Variants in PHF14 observed in about 807,000 individuals in gnomAD.
The protein encoded by PHF14 is PHD finger protein 14.
In PHF14, 55 loss-of-function variants were observed where a neutral mutation model predicts 117.9. That is an observed-to-expected ratio of 0.47 (90% CI 0.38 to 0.58). The LOEUF is 0.58. Ranked by LOEUF, PHF14 falls within the 20% of genes least tolerant of loss-of-function variation. The pLI, the probability that PHF14 is intolerant of heterozygous loss-of-function variation, is 0.00. For synonymous variants in PHF14, 409 were observed against 368.6 expected (o/e 1.11, Z -1.26); for missense variants, 978 against 1,122.2 (o/e 0.87, Z 1.84).
chr7:11,133,132 A>T (rs976245490), intron 17 of PHF14, among the ~76,000 whole-genome samples: 3 of 151,946 alleles, frequency 2.0e-5, no homozygotes, highest in Non-Finnish European at 4.4e-5. Flanking sequence ...GTTCTTTTCA[A>T]CTTAAACTAT....
chr7:11,027,992 T>C (rs1305639707), intron 6 of PHF14, among the ~76,000 whole-genome samples: 3 of 152,178 alleles, frequency 2.0e-5, no homozygotes, highest in Admixed American at 6.5e-5. Flanking sequence ...AGTAGTTGTG[T>C]TTAATGATTA....
At chr7:11,107,244 T>G in intron 16 of PHF14, 1 of 981,172 alleles carries the variant, frequency 1.0e-6, no homozygotes, top group Non-Finnish European at 1.2e-6. Context: ...AATTGCTTGT[T>G]ATATGGATCA....
chr7:11,121,662 A>G (rs577418804), intron 17 of PHF14, among the ~76,000 whole-genome samples: 2 of 152,140 alleles, frequency 1.3e-5, no homozygotes, highest in African/African-American at 2.4e-5. Flanking sequence ...CAAGCCCTGC[A>G]GTACTGTGAT....
chr7:11,097,273 C>T (rs752971716), intron 16 of PHF14, among the ~76,000 whole-genome samples: 1 of 152,154 alleles, frequency 6.6e-6, no homozygotes. Flanking sequence ...GCCACCGTGC[C>T]CAGCCAGGAC....
chr7:11,107,531 G>A, intron 16 of PHF14: 1 of 885,384 alleles, frequency 1.1e-6, no homozygotes, highest in Non-Finnish European at 1.4e-6. Context: ...GTGTTAATGT[G>A]TACAGTGTTT....
chr7:11,027,402 C>T (rs117036540), intron 6 of PHF14, among the ~76,000 whole-genome samples: 1 of 152,124 alleles, frequency 6.6e-6, no homozygotes, highest in East Asian at 1.9e-4. Context: ...ACTTTGAATA[C>T]TTATATTAAA....
intron 16 of PHF14, chr7:11,071,411 C>G: frequency 2.8e-6 from 1 of 362,972 alleles, no homozygotes; most frequent in Non-Finnish European, 5.5e-6. Context: ...AGCCAGTTTT[C>G]CAGTTGCATT....
intron 16 of PHF14, among the ~76,000 whole-genome samples, chr7:11,084,983 A>G (rs1039121413): frequency 4.0e-5 from 6 of 151,736 alleles, no homozygotes; most frequent in Non-Finnish European, 8.8e-5. Context: ...ATTTTCTTTA[A>G]GGTTGTTGGG....
chr7:10,998,804 T>G (rs192675074), intron 4 of PHF14, among the ~76,000 whole-genome samples: 184 of 152,332 alleles, frequency 1.2e-3, no homozygotes, highest in Admixed American at 3.9e-3. Context: ...GATTCTCTTA[T>G]GATGCTGAGG....
At chr7:11,088,913 G>T (rs1786532161) in intron 16 of PHF14, among the ~76,000 whole-genome samples, 1 of 152,082 alleles carries the variant, frequency 6.6e-6, no homozygotes, top group South Asian at 2.1e-4. Flanking sequence ...CTACTAAATT[G>T]TTACATATAA....
intron 16 of PHF14, among the ~76,000 whole-genome samples, chr7:11,097,207 G>A (rs932528793): frequency 2.0e-5 from 3 of 152,030 alleles, no homozygotes; most frequent in African/African-American, 7.2e-5. Context: ...TCGAACTCCC[G>A]ATCTCAGGTG....
chr7:11,063,173 A>G, intron 16 of PHF14: 1 of 974,346 alleles, frequency 1.0e-6, no homozygotes, highest in Non-Finnish European at 1.2e-6. Context: ...GAAAAAGACA[A>G]AGTCCTTCAA....
chr7:11,152,151 A>G, intron 17 of PHF14, among the ~76,000 whole-genome samples: 1 of 129,036 alleles, frequency 7.7e-6, no homozygotes, highest in East Asian at 1.9e-4. Flanking sequence ...AGATAACTGA[A>G]TAATAATCTG....
At chr7:11,136,149 C>T (rs1358894135) in intron 17 of PHF14, among the ~76,000 whole-genome samples, 1 of 152,126 alleles carries the variant, frequency 6.6e-6, no homozygotes, top group Non-Finnish European at 1.5e-5. Flanking sequence ...CTTCATTTCT[C>T]ATCACATATT....
intron 4 of PHF14, among the ~76,000 whole-genome samples, chr7:11,001,085 C>T (rs541363249): frequency 8.5e-5 from 13 of 152,090 alleles, no homozygotes; most frequent in Non-Finnish European, 1.3e-4. Context: ...AGTATACGGT[C>T]TGTCTCGGAA....
At chr7:11,077,762 A>G (rs1489133803) in intron 16 of PHF14, among the ~76,000 whole-genome samples, 1 of 152,096 alleles carries the variant, frequency 6.6e-6, no homozygotes, top group African/African-American at 2.4e-5. Context: ...TTTGAGAGGC[A>G]GGTTCAGTTA....
chr7:11,081,430 T>G (rs530562579), intron 16 of PHF14, among the ~76,000 whole-genome samples: 196 of 152,340 alleles, frequency 1.3e-3, no homozygotes, highest in African/African-American at 4.4e-3. Flanking sequence ...ATGCCTGGTA[T>G]TACAAGAGTG....
At chr7:11,075,021 C>T (rs1251896183) in intron 16 of PHF14, among the ~76,000 whole-genome samples, 1 of 151,560 alleles carries the variant, frequency 6.6e-6, no homozygotes, top group Non-Finnish European at 1.5e-5. Context: ...TACTGCAACC[C>T]CCATCTCCCA....
chr7:11,143,366 C>T (rs951497544), intron 17 of PHF14, among the ~76,000 whole-genome samples: 3 of 150,496 alleles, frequency 2.0e-5, no homozygotes, highest in African/African-American at 7.5e-5. Context: ...AGTGATTCTT[C>T]CGCCTCTGCC....
Sources: gnomAD v4.1 joint callset for allele counts (sites outside exome capture counted in the v4.1 genomes callset) on GRCh38, gnomAD v4.1.1 for gene constraint, MANE v1.5 for transcripts, NCBI Gene and HGNC (gene_info 2026-07-23, HGNC 2026-07-21) for gene names.